Variants in NPEPL1 observed in about 807,000 individuals in gnomAD.
NPEPL1 encodes probable aminopeptidase NPEPL1.
Under a neutral mutation model 52.4 loss-of-function variants are expected in NPEPL1, and 45 were observed. The observed-to-expected ratio is 0.86, with a 90% CI of 0.68 to 1.10. The LOEUF (loss-of-function observed/expected upper bound fraction) is 1.10, where lower values mean the gene tolerates loss of function less well. Ranked by LOEUF, NPEPL1 falls within the 50% of genes least tolerant of loss-of-function variation. The pLI, the probability that NPEPL1 is intolerant of heterozygous loss-of-function variation, is 0.00. For missense variants in NPEPL1, 696 were observed against 710.9 expected, an observed-to-expected ratio of 0.98 and a Z score of 0.24; for synonymous variants, 360 against 314.7, an observed-to-expected ratio of 1.14 and a Z score of -1.52.
chr20:58,698,220 G>A (rs1019593665), intron 3 of NPEPL1, among the ~76,000 whole-genome samples: 2 of 151,994 alleles, frequency 1.3e-5, no homozygotes, highest in East Asian at 1.9e-4. Context: ...TGGTAGATAC[G>A]GCCTATGAGA....
chr20:58,709,063 T>C (rs2084787381), intron 7 of NPEPL1, among the ~76,000 whole-genome samples: 1 of 151,592 alleles, frequency 6.6e-6, no homozygotes, highest in African/African-American at 2.4e-5. Context: ...TGATCACAGA[T>C]TCATCAGGCA....
intron 3 of NPEPL1, among the ~76,000 whole-genome samples, chr20:58,697,669 G>A (rs2084520880): frequency 1.3e-5 from 2 of 152,352 alleles, no homozygotes; most frequent in South Asian, 4.1e-4. Flanking sequence ...GGTGAGCAAG[G>A]GAGGCCGTGC....
chr20:58,694,630 G>A (rs747651427), intron 3 of NPEPL1, 38 bp downstream of exon 3: 18 of 1,558,608 alleles, frequency 1.2e-5, no homozygotes, highest in African/African-American at 2.7e-5. Flanking sequence ...CCCTGGGCCC[G>A]GGCAAGATCG....
At chr20:58,706,686 T>TA (rs1345100562) in intron 6 of NPEPL1, among the ~76,000 whole-genome samples, 1 of 122,620 alleles carries the variant, frequency 8.2e-6, no homozygotes, top group Non-Finnish European at 1.6e-5. Flanking sequence ...TGCGGAGGAG[T>TA]GGAGAGAGTG....
intron 6 of NPEPL1, chr20:58,703,909 C>G: frequency 1.0e-6 from 1 of 985,352 alleles, no homozygotes; most frequent in Non-Finnish European, 1.2e-6. Context: ...TCCCGGGGTC[C>G]ACCTGGTCTG....
At chr20:58,698,077 G>T (rs2123098341) in intron 3 of NPEPL1, among the ~76,000 whole-genome samples, 1 of 152,352 alleles carries the variant, frequency 6.6e-6, no homozygotes, top group South Asian at 2.1e-4. Flanking sequence ...GTCTTGCAGG[G>T]TTTATGAGGG....
chr20:58,707,110 G>T lies in NPEPL1; in HGVS notation c.823-13G>T, dbSNP rs373501602. 1.9e-6 allele frequency: 3 copies of T among 1,550,610 alleles called. No individual in the cohort carries two copies. The highest frequency in any genetic ancestry group is 2.6e-6 in the Non-Finnish European group (3 of 1,146,966). The stretch of plus-strand genomic sequence containing the variant: ...AGCTCACCTTTGTCCTGGTCCCTTT[G>T]TACCACCCGCAGACTACCATGCCGG... On this transcript the variant is annotated splice_polypyrimidine_tract_variant and intron_variant, in intron 6 of 11. Coordinates refer to ENST00000356091, the MANE Select transcript of NPEPL1 (RefSeq NM_024663.4).
chr20:58,709,181 C>T (rs758830961), intron 7 of NPEPL1, among the ~76,000 whole-genome samples: 1 of 151,764 alleles, frequency 6.6e-6, no homozygotes. Context: ...CCCACCCCCA[C>T]TCTGGACAAA....
upstream of NPEPL1, chr20:58,691,640 CCT>C: frequency 1.4e-6 from 1 of 694,862 alleles, no homozygotes; most frequent in African/African-American, 1.8e-5. Context: ...TGGTGGAAAA[CCT>C]CTCACACCAC....
chr20:58,707,220 C>CCTCTG lies in NPEPL1; in HGVS notation c.900+22_900+26dup, dbSNP rs1469671399. The stretch of plus-strand genomic sequence containing the variant: ...AAGCAGGTGAGTGGGCCCTGCCCGC[C>CCTCTG]CTCTGCAGGGGCATCCTGGGTGTGC... On this transcript the variant is annotated intron_variant, in intron 7 of 11. Transcript: ENST00000356091. The CCTCTG allele has an allele frequency of 6.5e-7, 1 of 1,542,216 alleles. No homozygotes were observed. Among genetic ancestry groups the CCTCTG allele is most frequent in the South Asian group, 1.2e-5 (1 of 83,076 alleles).
chr20:58,702,567 TATGGGTCTCTTGGGGTAATAG>T, intron 6 of NPEPL1, among the ~76,000 whole-genome samples: 1 of 152,274 alleles, frequency 6.6e-6, no homozygotes. Flanking sequence ...CATGCCTCCC[TATGGGTCTCTTGGGGTAATAG>T]ATGGTGGAAT....
rs2084890867 is a variant in NPEPL1 at position 58,713,267 on chromosome 20, G to A, written c.1002-153G>A. 3.1e-6 allele frequency: 3 copies of A among 958,468 alleles called. No homozygotes were observed. The highest frequency in any genetic ancestry group is 4.6e-6 in the Non-Finnish European group (3 of 657,694). 59.4% of individuals were successfully genotyped at this position (958,468 alleles called of 1,614,324 possible). The stretch of plus-strand genomic sequence containing the variant: ...GGCACTGCATTGCTGTAGGGACTGG[G>A]GGCATCCCGGCCTTCCCATTCAGGG... On this transcript the variant is annotated intron_variant, in intron 8 of 11. Transcript: ENST00000356091. This position sits in a 1 kb window ranked among gnomAD's most constrained non-coding sequence, Gnocchi z 4.6.
At chr20:58,702,545 T>TA (rs1406880139) in intron 6 of NPEPL1, among the ~76,000 whole-genome samples, 1 of 152,196 alleles carries the variant, frequency 6.6e-6, no homozygotes, top group African/African-American at 2.4e-5. Context: ...TGTTTTTTTT[T>TA]AATAGAAAAA....
At chr20:58,704,124 G>C (rs778169107) in intron 6 of NPEPL1, 408 of 985,274 alleles carry the variant, frequency 4.1e-4, no homozygotes, top group Middle Eastern at 1.0e-3. Context: ...CCCCAATCCT[G>C]ACCTGAAGGC....
intron 5 of NPEPL1, among the ~76,000 whole-genome samples, chr20:58,699,684 T>C (rs80204616): frequency 0.035 from 5,325 of 152,238 alleles, 119 homozygotes; most frequent in Non-Finnish European, 0.051. Flanking sequence ...CCCCAAGATA[T>C]ATTTTTGGTG....
upstream of NPEPL1, chr20:58,691,672 T>TTTTTTTTC: frequency 1.3e-6 from 1 of 797,358 alleles, no homozygotes; most frequent in Non-Finnish European, 2.0e-6. Flanking sequence ...TTGACAGTGC[T>TTTTTTTTC]TTTTTTTCTT....
intron 3 of NPEPL1, among the ~76,000 whole-genome samples, chr20:58,695,020 T>C (rs2084437883): frequency 2.3e-3 from 9 of 3,836 alleles, no homozygotes; most frequent in Non-Finnish European, 3.1e-3. Flanking sequence ...GTGATGTGTG[T>C]GTGTGTGTGG....
At chr20:58,701,737 A>G (rs2084628020) in intron 6 of NPEPL1, among the ~76,000 whole-genome samples, 1 of 152,138 alleles carries the variant, frequency 6.6e-6, no homozygotes, top group South Asian at 2.1e-4. Flanking sequence ...GAAAACGCTC[A>G]GAGTGGCCAC....
At chr20:58,694,050 G>T in intron 2 of NPEPL1, 128 bp downstream of exon 2, 2 of 952,102 alleles carry the variant, frequency 2.1e-6, no homozygotes, top group Non-Finnish European at 3.0e-6. Context: ...TATCATCCCT[G>T]CTCTGTAGAC....
Sources: allele counts gnomAD v4.1 joint callset (sites outside exome capture counted in the v4.1 genomes callset), GRCh38; gene constraint gnomAD v4.1.1; non-coding constraint Gnocchi (gnomAD v3.1); transcripts MANE v1.5; gene names NCBI Gene and HGNC (gene_info 2026-07-23, HGNC 2026-07-21).